Variants in ARL13B observed in about 807,000 individuals in gnomAD.
The protein encoded by ARL13B is ADP-ribosylation factor-like protein 13B.
In ARL13B, 36 loss-of-function variants were observed where a neutral mutation model predicts 56.1. The observed-to-expected ratio is 0.64, with a 90% CI of 0.49 to 0.85. ARL13B has a LOEUF of 0.85. Among genes scored for constraint, ARL13B ranks in the 40% least tolerant of loss-of-function variants. The pLI, the probability that ARL13B is intolerant of heterozygous loss-of-function variation, is 0.00. For synonymous variants in ARL13B, 178 were observed against 171.1 expected, an observed-to-expected ratio of 1.04 and a Z score of -0.32; for missense variants, 519 against 507.1, an observed-to-expected ratio of 1.02 and a Z score of -0.23.
chr3:94,015,200 A>T, intron 3 of ARL13B: 1 of 1,612,626 alleles, frequency 6.2e-7, no homozygotes. Flanking sequence ...TCTGTAGTTG[A>T]TACATGACTG....
chr3:94,004,030 T>C (rs1241790106), intron 3 of ARL13B, 122 bp downstream of exon 3: 2 of 1,423,384 alleles, frequency 1.4e-6, no homozygotes, highest in Non-Finnish European at 1.9e-6. Context: ...AAAATGTATG[T>C]AATTAACTGG....
chr3:94,009,529 A>C (rs983720319), intron 3 of ARL13B, among the ~76,000 whole-genome samples: 2 of 152,118 alleles, frequency 1.3e-5, no homozygotes, highest in African/African-American at 4.8e-5. Context: ...AAACATTTAA[A>C]TAATAGAAGA....
Position 94,055,180 on chromosome 3 carries a change from G to T in ARL13B, c.*1917G>T, listed in dbSNP as rs924790430. 3 of 364,268 alleles carry T rather than the reference G, an allele frequency of 8.2e-6. No individual in the cohort carries two copies. Among genetic ancestry groups the T allele is most frequent in the Admixed American group, 7.7e-5 (2 of 26,124 alleles). 22.6% of individuals were successfully genotyped at this position (364,268 alleles called of 1,614,324 possible). On this transcript the variant is annotated 3_prime_UTR_variant, in exon 10 of 10. Coordinates refer to ENST00000394222, the MANE Select transcript of ARL13B (RefSeq NM_001174150.2). Reference sequence around the variant, plus strand: ...TTTAAAAAATGTTTTGTAAATCCAGGTGTATTTTAACAATTAAATGCCTAT... The same window carrying T: ...TTTAAAAAATGTTTTGTAAATCCAGTTGTATTTTAACAATTAAATGCCTAT...
intron 7 of ARL13B, among the ~76,000 whole-genome samples, chr3:94,048,761 GTT>G (rs145976941): frequency 1.3e-5 from 2 of 148,462 alleles, no homozygotes; most frequent in African/African-American, 4.9e-5. Context: ...CCATGCTGGG[GTT>G]TTTTTTTTCC....
chr3:94,046,811 A>G (rs1362226956), intron 7 of ARL13B, among the ~76,000 whole-genome samples: 1 of 152,174 alleles, frequency 6.6e-6, no homozygotes, highest in Non-Finnish European at 1.5e-5. Context: ...CTTGTCAAAT[A>G]GCCATTTTTC....
chr3:94,003,770 T>C lies in ARL13B; in HGVS notation c.242T>C (p.Ile81Thr). 1 of 1,613,780 alleles carries C rather than the reference T, an allele frequency of 6.2e-7. No homozygotes were observed. The highest frequency in any genetic ancestry group is 8.5e-7 in the Non-Finnish European group (1 of 1,179,760). Reference sequence around the variant, plus strand: ...GGAGGTGGAATAAGAATTCGGGGAATCTGGAAGAATTACTATGCTGAATCC... The same window carrying C: ...GGAGGTGGAATAAGAATTCGGGGAACCTGGAAGAATTACTATGCTGAATCC... ...DLGGGIRIRG[I>T]WKNYYAESYG... The change falls in exon 3 of 10, where the codon ATC (isoleucine) becomes ACC (threonine). Residue 81 changes from isoleucine to threonine, a missense_variant. Ile to Thr is a moderately conservative substitution (Grantham distance 89). Transcript: ENST00000394222.
chr3:94,025,620 A>G (rs73156361), intron 3 of ARL13B, among the ~76,000 whole-genome samples: 44 of 152,352 alleles, frequency 2.9e-4, no homozygotes, highest in South Asian at 1.9e-3. Flanking sequence ...GGAGTTATAC[A>G]AGAATGCTCT....
intron 6 of ARL13B, among the ~76,000 whole-genome samples, chr3:94,040,316 T>C (rs2107138712): frequency 1.3e-5 from 2 of 152,324 alleles, no homozygotes; most frequent in Non-Finnish European, 2.9e-5. Context: ...TTTACTCTTA[T>C]TTACATTTTC....
intron 3 of ARL13B, among the ~76,000 whole-genome samples, chr3:94,018,240 G>A (rs1045682701): frequency 2.0e-5 from 3 of 146,690 alleles, no homozygotes; most frequent in Non-Finnish European, 4.5e-5. Flanking sequence ...TCTATATAGA[G>A]AATAGTTTCC....
intron 7 of ARL13B, among the ~76,000 whole-genome samples, chr3:94,048,330 A>T (rs989426894): frequency 6.6e-6 from 1 of 152,168 alleles, no homozygotes; most frequent in Non-Finnish European, 1.5e-5. Flanking sequence ...CTGGGCAGAG[A>T]GTGAGGAAAA....
At chr3:94,052,290 G>A (rs78128365) in intron 9 of ARL13B, among the ~76,000 whole-genome samples, 3,342 of 152,118 alleles carry the variant, frequency 0.022, 111 homozygotes, top group African/African-American at 0.074. Flanking sequence ...TGAATAAGAT[G>A]TACATTCTGC....
At position 94,014,499 on chromosome 3, in the gene ARL13B, T is replaced by G. The variant is rs368376403; in HGVS notation, c.380+10591T>G. On this transcript the variant is annotated intron_variant, in intron 3 of 9. Coordinates refer to ENST00000394222, the MANE Select transcript of ARL13B (RefSeq NM_001174150.2). Reference sequence around the variant, plus strand: ...CTTTAGTATTGTTAACATACTCTTTTGTACTATTCACTGTCATTTCAATAT... The same window carrying G: ...CTTTAGTATTGTTAACATACTCTTTGGTACTATTCACTGTCATTTCAATAT... 2.9e-5 allele frequency: 47 copies of G among 1,611,404 alleles called. No homozygotes were observed. The African/African-American group carries it at 5.9e-4, about 20-fold the overall frequency.
At chr3:93,981,486 T>G (rs1212489283) in intron 1 of ARL13B, among the ~76,000 whole-genome samples, 1 of 151,862 alleles carries the variant, frequency 6.6e-6, no homozygotes, top group Non-Finnish European at 1.5e-5. Context: ...CATGTCTAGA[T>G]TGGAAAAAAA....
chr3:94,036,877 A>C (rs1003178499), intron 5 of ARL13B, 123 bp downstream of exon 5: 3 of 1,132,548 alleles, frequency 2.6e-6, no homozygotes, highest in Non-Finnish European at 3.8e-6. Flanking sequence ...ACACTAGGTA[A>C]ATTTTGTATT....
chr3:94,011,470 GC>G (rs771381519), intron 3 of ARL13B, among the ~76,000 whole-genome samples: 5 of 152,026 alleles, frequency 3.3e-5, no homozygotes, highest in Non-Finnish European at 7.4e-5. Context: ...TTCAGTTTTT[GC>G]CTGAGTTCTT....
chr3:94,019,120 T>G (rs2076395173), intron 3 of ARL13B, among the ~76,000 whole-genome samples: 2 of 151,986 alleles, frequency 1.3e-5, no homozygotes, highest in African/African-American at 2.4e-5. Context: ...ACAGCAAATC[T>G]TGTCAACATC....
chr3:94,042,930 T>G (rs1194263303), intron 6 of ARL13B, 85 bp from the exon 7 acceptor site: 2 of 1,102,646 alleles, frequency 1.8e-6, no homozygotes, highest in Non-Finnish European at 2.6e-6. Context: ...TACAGAATCC[T>G]GTTAAGGTAT....
At chr3:94,025,766 A>G (rs1048333287) in intron 3 of ARL13B, among the ~76,000 whole-genome samples, 6 of 152,152 alleles carry the variant, frequency 3.9e-5, no homozygotes, top group Non-Finnish European at 8.8e-5. Flanking sequence ...TTATAGCCTA[A>G]GTGGATATCT....
At chr3:94,004,874 T>C (rs1176000365) in intron 3 of ARL13B, among the ~76,000 whole-genome samples, 2 of 152,154 alleles carry the variant, frequency 1.3e-5, no homozygotes, top group Non-Finnish European at 2.9e-5. Context: ...AAAGGAGAAC[T>C]TTTAACAGGG....
Sources: gnomAD v4.1 joint callset for allele counts (sites outside exome capture counted in the v4.1 genomes callset) on GRCh38, gnomAD v4.1.1 for gene constraint, MANE v1.5 for transcripts, NCBI Gene and HGNC (gene_info 2026-07-23, HGNC 2026-07-21) for gene names.